The following PARD3B variants were observed in gnomAD, a reference collection of about 807,000 sequenced individuals.
The protein encoded by PARD3B is par-3 family cell polarity regulator beta.
Under a neutral mutation model 130.2 loss-of-function variants are expected in PARD3B, and 103 were observed. That is an observed-to-expected ratio of 0.79 (90% CI 0.67 to 0.93). PARD3B has a LOEUF of 0.93. Ranked by LOEUF, PARD3B falls within the 40% of genes least tolerant of loss-of-function variation. The pLI, the probability that PARD3B is intolerant of heterozygous loss-of-function variation, is 0.00. For synonymous variants in PARD3B, 583 were observed against 553.2 expected (o/e 1.05, Z -0.76); for missense variants, 1,609 against 1,499.2 (o/e 1.07, Z -1.21).
intron 2 of PARD3B, among the ~76,000 whole-genome samples, chr2:204,814,651 G>T (rs1168013092): frequency 6.6e-6 from 1 of 151,816 alleles, no homozygotes; most frequent in Non-Finnish European, 1.5e-5. Context: ...TGATGTTAGG[G>T]TGAAAACATT....
rs574679974 is a variant in PARD3B, at chr2:204,800,444, A to G, written c.222+114162A>G. On this transcript the variant is annotated intron_variant, in intron 2 of 22. Coordinates refer to ENST00000406610, the MANE Select transcript of PARD3B (RefSeq NM_001302769.2). ...AAAGTCAGTAGAGAGAGAGAGAGAC[A>G]GAGATCTAGGTAAAAAGTTTATTCA... Among the ~76,000 whole-genome samples the G allele has an allele frequency of 1.8e-3, 271 of 152,314 alleles. 2 individuals are homozygous for G. Among genetic ancestry groups the G allele is most frequent in the African/African-American group, 6.2e-3 (257 of 41,570 alleles).
At chr2:205,024,389 G>A (rs561119686) in intron 3 of PARD3B, among the ~76,000 whole-genome samples, 4 of 151,878 alleles carry the variant, frequency 2.6e-5, no homozygotes, top group South Asian at 2.1e-4. Context: ...AGCTGGTCTC[G>A]AACTCCACAC....
intron 2 of PARD3B, among the ~76,000 whole-genome samples, chr2:204,855,070 A>G (rs1387703933): frequency 1.3e-5 from 2 of 152,148 alleles, no homozygotes; most frequent in Non-Finnish European, 2.9e-5. Context: ...CGTGCAAGGA[A>G]GGCTGGTGTC....
chr2:205,197,032 GGTGT>G (rs1220147246), intron 15 of PARD3B, among the ~76,000 whole-genome samples: 30 of 55,232 alleles, frequency 5.4e-4, no homozygotes, highest in South Asian at 1.7e-3. Flanking sequence ...GTGGGGGGGG[GGTGT>G]GTGTGTGTGT....
intron 2 of PARD3B, among the ~76,000 whole-genome samples, chr2:204,737,832 C>T (rs1352826440): frequency 1.3e-5 from 2 of 152,142 alleles, no homozygotes; most frequent in Non-Finnish European, 2.9e-5. Flanking sequence ...GATGTCCATT[C>T]CCCAATTCAT....
At chr2:205,065,248 A>G (rs548519157) in intron 4 of PARD3B, among the ~76,000 whole-genome samples, 1 of 152,204 alleles carries the variant, frequency 6.6e-6, no homozygotes. Context: ...AGATTACAAT[A>G]TATCTGACAA....
At position 205,531,324 on chromosome 2, in the gene PARD3B, T is replaced by C. The variant is rs989640088; in HGVS notation, c.3181-22000T>C. Among the ~76,000 whole-genome samples, 5 of 152,120 alleles carry C rather than the reference T, an allele frequency of 3.3e-5. No homozygotes were observed. In the South Asian group the frequency reaches 1.0e-3, roughly 32 times the overall value. On this transcript the variant is annotated intron_variant, in intron 21 of 22. Transcript: ENST00000406610. ...AGAGAGAGAAACATGAAGCAGGAAATGATCTTATTGAGCTGGACAAAGGAA... is the reference window on the plus strand; with the variant it reads ...AGAGAGAGAAACATGAAGCAGGAAACGATCTTATTGAGCTGGACAAAGGAA...
At chr2:205,044,473 T>C (rs1463813258) in intron 3 of PARD3B, among the ~76,000 whole-genome samples, 18 of 148,896 alleles carry the variant, frequency 1.2e-4, no homozygotes, top group Non-Finnish European at 6.0e-5. Flanking sequence ...ACCTGTTGTT[T>C]CCTGACTTTT....
At chr2:204,712,428 T>G (rs1300138010) in intron 2 of PARD3B, among the ~76,000 whole-genome samples, 1 of 151,918 alleles carries the variant, frequency 6.6e-6, no homozygotes, top group African/African-American at 2.4e-5. Context: ...CTGGCCAGTA[T>G]GGTGAAACCC....
intron 18 of PARD3B, among the ~76,000 whole-genome samples, chr2:205,379,472 G>T (rs935726869): frequency 6.6e-6 from 1 of 151,314 alleles, no homozygotes; most frequent in Non-Finnish European, 1.5e-5. Flanking sequence ...TATTATATTT[G>T]GGGTTTTTTT....
intron 2 of PARD3B, among the ~76,000 whole-genome samples, chr2:204,854,945 C>CA: frequency 6.6e-6 from 1 of 151,876 alleles, no homozygotes; most frequent in Non-Finnish European, 1.5e-5. Flanking sequence ...GGTCTCCAAG[C>CA]AAAAAGGACC....
chr2:204,914,662 A>G (rs2047374751), intron 2 of PARD3B, among the ~76,000 whole-genome samples: 3 of 152,174 alleles, frequency 2.0e-5, no homozygotes, highest in South Asian at 4.1e-4. Flanking sequence ...CCAGCCCTCA[A>G]TCCAGCCTGA....
intron 10 of PARD3B, among the ~76,000 whole-genome samples, chr2:205,129,559 G>A (rs2031795905): frequency 6.6e-6 from 1 of 152,176 alleles, no homozygotes; most frequent in Non-Finnish European, 1.5e-5. Flanking sequence ...ATGAAGGAAG[G>A]ACAGCACTTC....
chr2:204,796,243 T>C (rs1052179147), intron 2 of PARD3B, among the ~76,000 whole-genome samples: 1 of 152,230 alleles, frequency 6.6e-6, no homozygotes, highest in Non-Finnish European at 1.5e-5. Context: ...CAAATGGTTA[T>C]GTTCAGAAGT....
At chr2:204,741,395 A>C (rs531372097) in intron 2 of PARD3B, among the ~76,000 whole-genome samples, 1 of 152,214 alleles carries the variant, frequency 6.6e-6, no homozygotes, top group African/African-American at 2.4e-5. Context: ...TTAGGACTTC[A>C]TTTCCCCAAA....
chr2:205,087,975 G>T (rs531494394), intron 4 of PARD3B, among the ~76,000 whole-genome samples: 1 of 152,298 alleles, frequency 6.6e-6, no homozygotes, highest in South Asian at 2.1e-4. Flanking sequence ...GGACATCAGA[G>T]TTAAGCCAAT....
rs2034539874 is a variant in PARD3B at position 205,162,107 on chromosome 2, A to G, written c.1620+3200A>G. On this transcript the variant is annotated intron_variant, in intron 11 of 22. Transcript: ENST00000406610. Reference sequence around the variant, plus strand: ...CTCTTGTTTGAATTATTTCTAATAGAGGATGTAAATCTCTATTTGGAAACA... The same window carrying G: ...CTCTTGTTTGAATTATTTCTAATAGGGGATGTAAATCTCTATTTGGAAACA... Among the ~76,000 whole-genome samples, 4 of 152,168 alleles carry G rather than the reference A, an allele frequency of 2.6e-5. No homozygotes were observed. The South Asian group carries it at 8.3e-4, about 31-fold the overall frequency.
intron 11 of PARD3B, among the ~76,000 whole-genome samples, chr2:205,161,919 T>C (rs1306730000): frequency 6.6e-6 from 1 of 152,240 alleles, no homozygotes; most frequent in Non-Finnish European, 1.5e-5. Flanking sequence ...TTCTGTGTGC[T>C]GGATTCTCCT....
At chr2:204,805,717 A>T (rs2042743365) in intron 2 of PARD3B, among the ~76,000 whole-genome samples, 1 of 152,174 alleles carries the variant, frequency 6.6e-6, no homozygotes, top group African/African-American at 2.4e-5. Flanking sequence ...ATTATGACCA[A>T]GTGGGATTTA....
Sources: allele counts gnomAD v4.1 joint callset (sites outside exome capture counted in the v4.1 genomes callset), GRCh38; gene constraint gnomAD v4.1.1; transcripts MANE v1.5; gene names NCBI Gene and HGNC (gene_info 2026-07-23, HGNC 2026-07-21).